CRPPA: variants seen among roughly 807,000 people sequenced by gnomAD.
CRPPA encodes the protein D-ribitol-5-phosphate cytidylyltransferase.
CRPPA carries 43 observed loss-of-function variants against 52.0 expected under a neutral mutation model. That is an observed-to-expected ratio of 0.83 (90% CI 0.65 to 1.07). The LOEUF is 1.07. Ranked by LOEUF, CRPPA falls within the 50% of genes least tolerant of loss-of-function variation. The pLI, the probability that CRPPA is intolerant of heterozygous loss-of-function variation, is 0.00. For missense variants in CRPPA, 629 were observed against 551.7 expected, an observed-to-expected ratio of 1.14 and a Z score of -1.40; for synonymous variants, 250 against 203.5, an observed-to-expected ratio of 1.23 and a Z score of -1.94.
chr7:16,246,988 C>T (rs1212157302), intron 8 of CRPPA, among the ~76,000 whole-genome samples: 1 of 152,212 alleles, frequency 6.6e-6, no homozygotes, highest in African/African-American at 2.4e-5. Context: ...TCCATAAAAG[C>T]CCTACCTGGC....
At chr7:16,161,238 G>A (rs1281845852) in intron 9 of CRPPA, among the ~76,000 whole-genome samples, 1 of 152,174 alleles carries the variant, frequency 6.6e-6, no homozygotes, top group African/African-American at 2.4e-5. Flanking sequence ...GGAGTGGTGA[G>A]AGAGGGTATC....
intron 8 of CRPPA, among the ~76,000 whole-genome samples, chr7:16,254,210 C>A (rs1400862501): frequency 1.3e-5 from 2 of 152,254 alleles, no homozygotes; most frequent in Non-Finnish European, 2.9e-5. Flanking sequence ...ACCAGAAATA[C>A]CATTTAACCC....
chr7:16,339,502 C>T (rs980524133), intron 3 of CRPPA, among the ~76,000 whole-genome samples: 3 of 152,158 alleles, frequency 2.0e-5, no homozygotes, highest in Non-Finnish European at 4.4e-5. Flanking sequence ...CCAACACCCA[C>T]TTATGATAAC....
At chr7:16,258,590 C>A in intron 7 of CRPPA, 108 bp from the exon 8 acceptor site, 1 of 649,380 alleles carries the variant, frequency 1.5e-6, no homozygotes, top group South Asian at 2.4e-5. Context: ...AAATATTTAT[C>A]AAACTTAGTT....
intron 3 of CRPPA, among the ~76,000 whole-genome samples, chr7:16,328,955 T>C (rs1785483389): frequency 6.6e-6 from 1 of 152,162 alleles, no homozygotes; most frequent in African/African-American, 2.4e-5. Context: ...CATGGACCCT[T>C]TGAAAATTGC....
rs183141256 is a variant in CRPPA, at chr7:16,406,235, G to C, written c.360C>G (p.Val120=). Residue 120 remains valine, a synonymous_variant, in exon 2 of 10, where the codon GTC becomes GTG. Transcript: ENST00000407010. The part of the protein sequence containing the change: ...QKYQHKRISL[V]EAGVTRHRSI... Reference sequence around the variant, plus strand: ...ACCTGTGGCGGGTCACTCCAGCTTCGACCAGTGAGATGCGTTTATGCTGAT... The same window carrying C: ...ACCTGTGGCGGGTCACTCCAGCTTCCACCAGTGAGATGCGTTTATGCTGAT... The C allele has an allele frequency of 1.5e-4, 249 of 1,613,662 alleles. No homozygotes were observed. Among genetic ancestry groups the C allele is most frequent in the Non-Finnish European group, 1.9e-4 (223 of 1,179,858 alleles).
chr7:16,297,166 C>A (rs576167497), intron 5 of CRPPA, among the ~76,000 whole-genome samples: 1 of 152,076 alleles, frequency 6.6e-6, no homozygotes, highest in Non-Finnish European at 1.5e-5. Context: ...TCTTACCAAC[C>A]GTGTGACCCA....
intron 5 of CRPPA, among the ~76,000 whole-genome samples, chr7:16,299,338 T>C (rs1034414702): frequency 1.3e-5 from 2 of 152,164 alleles, no homozygotes; most frequent in Non-Finnish European, 2.9e-5. Flanking sequence ...TCGTAAGACT[T>C]AAAGCTCTTA....
chr7:16,117,585 C>A (rs564990988), intron 9 of CRPPA, among the ~76,000 whole-genome samples: 1 of 152,324 alleles, frequency 6.6e-6, no homozygotes, highest in African/African-American at 2.4e-5. Context: ...GAGCTACGTG[C>A]ACCCCAGTAC....
intron 9 of CRPPA, among the ~76,000 whole-genome samples, chr7:16,116,654 C>T (rs1160371912): frequency 1.1e-3 from 9 of 8,388 alleles, no homozygotes; most frequent in East Asian, 0.015. Flanking sequence ...CAGCGAGACT[C>T]GGTCGAAAAA....
At chr7:16,100,083 G>A (rs930389865) in intron 9 of CRPPA, among the ~76,000 whole-genome samples, 2 of 152,084 alleles carry the variant, frequency 1.3e-5, no homozygotes, top group African/African-American at 4.8e-5. Flanking sequence ...AGCTTTCAAG[G>A]TCATCCACTA....
At chr7:16,191,537 G>A (rs927930823) in intron 9 of CRPPA, among the ~76,000 whole-genome samples, 2 of 152,122 alleles carry the variant, frequency 1.3e-5, no homozygotes, top group African/African-American at 4.8e-5. Context: ...TCGGCACTGT[G>A]TTTTTACTGT....
intron 9 of CRPPA, among the ~76,000 whole-genome samples, chr7:16,117,607 C>T (rs1455264262): frequency 6.6e-6 from 1 of 152,090 alleles, no homozygotes; most frequent in Non-Finnish European, 1.5e-5. Flanking sequence ...TCATCAGAAC[C>T]AGGGAGCACA....
At chr7:16,280,762 T>A (rs1012366636) in intron 5 of CRPPA, among the ~76,000 whole-genome samples, 7 of 152,238 alleles carry the variant, frequency 4.6e-5, no homozygotes, top group Non-Finnish European at 8.8e-5. Flanking sequence ...GGCTCACGCC[T>A]GTAATCCCAG....
intron 9 of CRPPA, among the ~76,000 whole-genome samples, chr7:16,193,437 G>A (rs1192577496): frequency 6.6e-6 from 1 of 151,984 alleles, no homozygotes; most frequent in Non-Finnish European, 1.5e-5. Flanking sequence ...AAACACTTGT[G>A]AAATTAACAT....
chr7:16,243,027 A>AC (rs1783168400), intron 8 of CRPPA, among the ~76,000 whole-genome samples: 1 of 152,162 alleles, frequency 6.6e-6, no homozygotes, highest in Admixed American at 6.5e-5. Flanking sequence ...CTGTGTTCCC[A>AC]CCCAAATCTC....
chr7:16,239,082 G>A (rs1783030088), intron 8 of CRPPA, among the ~76,000 whole-genome samples: 1 of 132,706 alleles, frequency 7.5e-6, no homozygotes, highest in African/African-American at 2.8e-5. Flanking sequence ...AGGTTGCAGT[G>A]AACTGAGATC....
intron 9 of CRPPA, among the ~76,000 whole-genome samples, chr7:16,127,536 A>G (rs1527213): frequency 3.9e-4 from 60 of 152,268 alleles, no homozygotes; most frequent in African/African-American, 1.3e-3. Context: ...AACCTATTAT[A>G]AACTTTAATG....
intron 2 of CRPPA, among the ~76,000 whole-genome samples, chr7:16,390,420 C>T (rs1197814529): frequency 1.3e-5 from 2 of 152,128 alleles, no homozygotes; most frequent in African/African-American, 2.4e-5. Flanking sequence ...CCATTATCGC[C>T]ACACCACCAC....
Sources: gnomAD v4.1 joint callset for allele counts (sites outside exome capture counted in the v4.1 genomes callset) on GRCh38, gnomAD v4.1.1 for gene constraint, MANE v1.5 for transcripts, NCBI Gene and HGNC (gene_info 2026-07-23, HGNC 2026-07-21) for gene names.